Variants in PDLIM5 observed in about 807,000 individuals in gnomAD.
PDLIM5 encodes the protein PDZ and LIM domain 5.
In PDLIM5, 34 loss-of-function variants were observed where a neutral mutation model predicts 64.2. That is an observed-to-expected ratio of 0.53 (90% CI 0.40 to 0.71). The LOEUF (loss-of-function observed/expected upper bound fraction) is 0.71, where lower values mean the gene tolerates loss of function less well. PDLIM5 is among the 30% of genes least tolerant of loss of function. PDLIM5 has a pLI of 0.00. For missense variants in PDLIM5, 683 were observed against 733.6 expected (o/e 0.93, Z 0.80); for synonymous variants, 253 against 269.1 (o/e 0.94, Z 0.59).
chr4:94,518,699 A>G (rs1729572924), intron 2 of PDLIM5, among the ~76,000 whole-genome samples: 1 of 152,166 alleles, frequency 6.6e-6, no homozygotes, highest in Admixed American at 6.6e-5. Flanking sequence ...TCTCTTTTCT[A>G]TAATTAATCA....
At chr4:94,647,099 G>A (rs12641699) in intron 9 of PDLIM5, among the ~76,000 whole-genome samples, 6,875 of 151,962 alleles carry the variant, frequency 0.045, 284 homozygotes, top group East Asian at 0.15. Context: ...AACAAAAAAG[G>A]CATACAACAT....
At chr4:94,477,504 T>C (rs570714481) in intron 2 of PDLIM5, among the ~76,000 whole-genome samples, 4 of 152,316 alleles carry the variant, frequency 2.6e-5, no homozygotes, top group East Asian at 1.9e-4. Context: ...GGAATTGGCC[T>C]TTTTGACTTC....
chr4:94,665,914 T>A lies in PDLIM5; in HGVS notation c.*1847T>A. On this transcript the variant is annotated 3_prime_UTR_variant, in exon 13 of 13. Transcript: ENST00000317968. ...TCCTTTGGGAAAAGAATTATGTAGATACCACATGGAGACAGGGAAACAATT... is the reference window on the plus strand; with the variant it reads ...TCCTTTGGGAAAAGAATTATGTAGAAACCACATGGAGACAGGGAAACAATT... 6.7e-7 allele frequency: 1 copy of A among 1,487,686 alleles called. No homozygotes were observed. The highest frequency in any genetic ancestry group is 8.9e-7 in the Non-Finnish European group (1 of 1,127,930). The allele number at this position is 1,487,686 out of a possible 1,614,324, so 92.2% of individuals were successfully genotyped here.
chr4:94,660,695 T>C (rs1049087768), intron 11 of PDLIM5, among the ~76,000 whole-genome samples: 2 of 152,192 alleles, frequency 1.3e-5, no homozygotes, highest in Non-Finnish European at 2.9e-5. Context: ...GAATCTATGC[T>C]GAGCAAATGG....
intron 10 of PDLIM5, among the ~76,000 whole-genome samples, chr4:94,655,175 C>T (rs998438098): frequency 6.6e-6 from 1 of 151,908 alleles, no homozygotes; most frequent in Non-Finnish European, 1.5e-5. Flanking sequence ...TATGAGAGTG[C>T]ACATGTGATG....
chr4:94,638,870 G>C (rs750680573), intron 8 of PDLIM5, among the ~76,000 whole-genome samples: 18 of 152,016 alleles, frequency 1.2e-4, no homozygotes, highest in Non-Finnish European at 2.5e-4. Flanking sequence ...AAGTTGCTAG[G>C]GTGCTGAATA....
intron 7 of PDLIM5, among the ~76,000 whole-genome samples, chr4:94,593,841 G>A (rs1736860829): frequency 6.6e-6 from 1 of 152,076 alleles, no homozygotes. Flanking sequence ...TGGAAGCATT[G>A]TTGTCACCTC....
chr4:94,660,383 G>A (rs779549484), intron 11 of PDLIM5, among the ~76,000 whole-genome samples: 14 of 151,990 alleles, frequency 9.2e-5, no homozygotes, highest in Non-Finnish European at 1.3e-4. Context: ...TTTCTGCGGC[G>A]ATTCCTCTAT....
At chr4:94,580,924 A>T (rs1178469058) in intron 5 of PDLIM5, among the ~76,000 whole-genome samples, 1 of 152,174 alleles carries the variant, frequency 6.6e-6, no homozygotes, top group African/African-American at 2.4e-5. Context: ...TGCATATATT[A>T]CAATTAGGTT....
At chr4:94,587,245 C>A (rs1403779527) in intron 7 of PDLIM5, 16 of 1,346,832 alleles carry the variant, frequency 1.2e-5, no homozygotes, top group African/African-American at 9.6e-5. Context: ...GGAAGATGAA[C>A]ATGTTTTGTG....
At position 94,455,410 on chromosome 4, in the gene PDLIM5, A is replaced by G. The variant is rs936606807; in HGVS notation, c.96+26A>G. ...GTAAGTAAACTTTACAAATTTTATT[A>G]TAGATGTTCATTCAGTGCTTAGTCC... is the stretch of plus-strand genomic sequence containing the variant. On this transcript the variant is annotated intron_variant, in intron 2 of 12. Transcript: ENST00000317968. 4 of 1,390,092 alleles carry G rather than the reference A, an allele frequency of 2.9e-6. No individual in the cohort carries two copies. In the Admixed American group the frequency reaches 6.8e-5, roughly 23 times the overall value. The allele number at this position is 1,390,092 out of a possible 1,614,324, so 86.1% of individuals were successfully genotyped here. A position where few individuals can be genotyped will look rare whatever the true frequency, so the allele number is the denominator to read the frequency against.
chr4:94,645,740 C>T (rs1741363247), intron 9 of PDLIM5, among the ~76,000 whole-genome samples: 1 of 152,226 alleles, frequency 6.6e-6, no homozygotes, highest in South Asian at 2.1e-4. Flanking sequence ...TGTTTATTTT[C>T]TTCTCTCTCC....
intron 7 of PDLIM5, among the ~76,000 whole-genome samples, chr4:94,596,068 GACT>G (rs1737045737): frequency 6.6e-6 from 1 of 152,130 alleles, no homozygotes; most frequent in Admixed American, 6.6e-5. Flanking sequence ...CTGTTTTGCT[GACT>G]ACAATGTAAA....
At chr4:94,518,455 G>C (rs1729553530) in intron 2 of PDLIM5, among the ~76,000 whole-genome samples, 1 of 152,122 alleles carries the variant, frequency 6.6e-6, no homozygotes, top group South Asian at 2.1e-4. Context: ...ATTTTATAAA[G>C]ACACAGTACT....
Position 94,573,654 on chromosome 4 carries a change from C to T in PDLIM5, c.291+261C>T, listed in dbSNP as rs531508287. On this transcript the variant is annotated intron_variant, in intron 4 of 12. Coordinates refer to ENST00000317968, the MANE Select transcript of PDLIM5 (RefSeq NM_006457.5). ...GTCAGATTTCTTACATTTCTATTCA[C>T]TTTTGATGAGCCCATCTTTATCCAA... 5.0e-5 allele frequency: 23 copies of T among 461,636 alleles called. No individual in the cohort carries two copies. In the East Asian group the frequency reaches 8.3e-4, roughly 17 times the overall value. 28.6% of individuals were successfully genotyped at this position (461,636 alleles called of 1,614,324 possible).
rs143112910 is a variant in PDLIM5 at position 94,585,525 on chromosome 4, A to G, written c.711-40A>G. The G allele has an allele frequency of 3.6e-5, 46 of 1,295,044 alleles. No homozygotes were observed. In the East Asian group the frequency reaches 1.1e-3, roughly 30 times the overall value. 80.2% of individuals were successfully genotyped at this position (1,295,044 alleles called of 1,614,324 possible). A position where few individuals can be genotyped will look rare whatever the true frequency, so the allele number is the denominator to read the frequency against. On this transcript the variant is annotated intron_variant, in intron 5 of 12. Coordinates refer to ENST00000317968, the MANE Select transcript of PDLIM5 (RefSeq NM_006457.5). ...GAAGATATTTTATCCTTTTAATATA[A>G]CTTTACAATTTTTAATTTTTTTTTT...
chr4:94,456,015 T>C lies in PDLIM5; in HGVS notation c.96+631T>C, dbSNP rs912667573. The C allele has an allele frequency of 5.7e-6, 8 of 1,409,132 alleles. No homozygotes were observed. The Admixed American group carries it at 8.3e-5, about 15-fold the overall frequency. 87.3% of individuals were successfully genotyped at this position (1,409,132 alleles called of 1,614,324 possible). ...GGATATGTTTTCATGATGATGATGATAGCACTGATGAGAGGAGTAATTAAA... is the reference window on the plus strand; with the variant it reads ...GGATATGTTTTCATGATGATGATGACAGCACTGATGAGAGGAGTAATTAAA... On this transcript the variant is annotated intron_variant, in intron 2 of 12. Transcript: ENST00000317968.
At chr4:94,469,904 GA>G (rs1377063074) in intron 2 of PDLIM5, among the ~76,000 whole-genome samples, 7 of 146,762 alleles carry the variant, frequency 4.8e-5, no homozygotes, top group Non-Finnish European at 7.5e-5. Flanking sequence ...ACACATACAT[GA>G]TTTTTTTTCA....
At chr4:94,563,000 A>G (rs914393286) in intron 3 of PDLIM5, among the ~76,000 whole-genome samples, 2 of 152,190 alleles carry the variant, frequency 1.3e-5, no homozygotes, top group Admixed American at 1.3e-4. Flanking sequence ...AATCAGTAAT[A>G]TAAACAAGTC....
Sources: allele counts gnomAD v4.1 joint callset (sites outside exome capture counted in the v4.1 genomes callset), GRCh38; gene constraint gnomAD v4.1.1; transcripts MANE v1.5; gene names NCBI Gene and HGNC (gene_info 2026-07-23, HGNC 2026-07-21).